GLS: variants seen among roughly 807,000 people sequenced by gnomAD.
GLS encodes glutaminase, also known as glutaminase kidney isoform, mitochondrial.
A neutral mutation model predicts 86.7 loss-of-function variants in GLS; 36 were observed. The observed-to-expected ratio is 0.42, with a 90% CI of 0.32 to 0.55. The LOEUF is 0.55. Ranked by LOEUF, GLS falls within the 20% of genes least tolerant of loss-of-function variation. The pLI is 0.17. For synonymous variants in GLS, 317 were observed against 305.9 expected, an observed-to-expected ratio of 1.04 and a Z score of -0.38; for missense variants, 528 against 833.4, an observed-to-expected ratio of 0.63 and a Z score of 4.51.
At chr2:190,952,751 T>C (rs1318159117) in intron 14 of GLS, among the ~76,000 whole-genome samples, 1 of 152,220 alleles carries the variant, frequency 6.6e-6, no homozygotes, top group Non-Finnish European at 1.5e-5. Context: ...AAATGGGGAA[T>C]TTATGAAGTA....
At chr2:190,892,779 T>G (rs1688607438) in intron 1 of GLS, among the ~76,000 whole-genome samples, 2 of 152,134 alleles carry the variant, frequency 1.3e-5, no homozygotes, top group South Asian at 4.1e-4. Flanking sequence ...TTTTTATCAG[T>G]TTTGACAGCT....
At chr2:190,939,381 TTCTTAATTC>T (rs1690363317) in intron 14 of GLS, among the ~76,000 whole-genome samples, 1 of 151,730 alleles carries the variant, frequency 6.6e-6, no homozygotes, top group South Asian at 2.1e-4. Context: ...TAGTATTGGT[TTCTTAATTC>T]TGAAAATTTA....
chr2:190,934,941 T>G (rs1248729401), intron 14 of GLS: 1 of 969,906 alleles, frequency 1.0e-6, no homozygotes, highest in Non-Finnish European at 1.2e-6. Flanking sequence ...GGACATATTT[T>G]GATTCTTTCA....
intron 1 of GLS, among the ~76,000 whole-genome samples, chr2:190,886,547 T>A (rs1031686866): frequency 2.0e-5 from 3 of 152,164 alleles, no homozygotes; most frequent in African/African-American, 4.8e-5. Flanking sequence ...ACTATTTTAG[T>A]CCAAAGATAA....
intron 9 of GLS, among the ~76,000 whole-genome samples, chr2:190,923,357 C>T (rs557360184): frequency 4.2e-4 from 64 of 152,288 alleles, no homozygotes; most frequent in African/African-American, 1.4e-3. Context: ...TCCCCAGTTA[C>T]ATCAGAATAT....
Position 190,895,274 on chromosome 2 carries a change from A to G in GLS, c.483+26A>G. 1 of 903,604 alleles carries G rather than the reference A, an allele frequency of 1.1e-6. No homozygotes were observed. The highest frequency in any genetic ancestry group is 1.8e-6 in the Non-Finnish European group (1 of 557,260). The allele number at this position is 903,604 out of a possible 1,614,324, so 56.0% of individuals were successfully genotyped here. Reference sequence around the variant, plus strand: ...GTAAGTTTTTATATTTTTCTATCTTAACTTAAAAAAATCAATAATAATAAA... The same window carrying G: ...GTAAGTTTTTATATTTTTCTATCTTGACTTAAAAAAATCAATAATAATAAA... On this transcript the variant is annotated intron_variant, in intron 2 of 17. Coordinates refer to ENST00000320717, the MANE Select transcript of GLS (RefSeq NM_014905.5). The surrounding 1 kb of genome is among the most constrained non-coding windows in gnomAD (Gnocchi z 4.2).
Position 190,954,515 on chromosome 2 carries a change from A to G in GLS, c.1713-69A>G. ...GACAGGGCCTTAAATGAACTGATGGAGTGAATGTTACCAGTGTGAATTAAA... is the reference window on the plus strand; with the variant it reads ...GACAGGGCCTTAAATGAACTGATGGGGTGAATGTTACCAGTGTGAATTAAA... On this transcript the variant is annotated intron_variant, in intron 15 of 17. Transcript: ENST00000320717. The surrounding 1 kb of genome is among the most constrained non-coding windows in gnomAD (Gnocchi z 4.0). The G allele has an allele frequency of 1.0e-6, 1 of 976,710 alleles. No individual in the cohort carries two copies. Among genetic ancestry groups the G allele is most frequent in the Non-Finnish European group, 1.6e-6 (1 of 634,792 alleles). The allele number at this position is 976,710 out of a possible 1,614,324, so 60.5% of individuals were successfully genotyped here.
intron 14 of GLS, among the ~76,000 whole-genome samples, chr2:190,939,521 C>CA (rs939831965): frequency 6.6e-6 from 1 of 151,650 alleles, no homozygotes; most frequent in Non-Finnish European, 1.5e-5. Flanking sequence ...ATCAGTTACA[C>CA]AAATGTAACT....
chr2:190,899,399 A>G (rs1688863568), intron 3 of GLS, among the ~76,000 whole-genome samples: 1 of 152,042 alleles, frequency 6.6e-6, no homozygotes, highest in Non-Finnish European at 1.5e-5. Context: ...TTAAACTGTT[A>G]ATTTTATATT....
rs1443164267 is a variant in GLS at position 190,955,394 on chromosome 2, TTG to T, written c.1853+580_1853+581del. ...ACATGAAGTGTTTGGTTTTCTGTTC[TTG>T]TGTTAGTTTGCTGAGAATGATGGTT... On this transcript the variant is annotated intron_variant, in intron 17 of 17. Coordinates refer to ENST00000320717, the MANE Select transcript of GLS (RefSeq NM_014905.5). This position sits in a 1 kb window ranked among gnomAD's most constrained non-coding sequence, Gnocchi z 5.6. Among the ~76,000 whole-genome samples, 1 of 152,222 alleles carries T rather than the reference TTG, an allele frequency of 6.6e-6. No individual in the cohort carries two copies. Among genetic ancestry groups the T allele is most frequent in the Non-Finnish European group, 1.5e-5 (1 of 68,034 alleles).
chr2:190,903,384 T>G (rs1182486648), intron 5 of GLS, among the ~76,000 whole-genome samples: 5 of 152,198 alleles, frequency 3.3e-5, no homozygotes, highest in Non-Finnish European at 5.9e-5. Context: ...ATTATATGCC[T>G]TTATCCTCAT....
rs778262844 is a variant in GLS, at chr2:190,924,581, C to T, written c.1236C>T (p.Asp412=). The change falls in exon 11 of 18, where the codon GAC becomes GAT. Residue 412 remains aspartate (D), a synonymous_variant. Transcript: ENST00000320717. The surrounding 1 kb of genome is among the most constrained non-coding windows in gnomAD (Gnocchi z 5.2). ...GCACAGACATGGTTGGTATATTAGA[C>T]TTCTACTTCCAGGTAATCTAATTAT... ...PEGTDMVGIL[D]FYFQLCSIEV... is the part of the protein sequence containing the mutation. 7 of 1,533,588 alleles carry T rather than the reference C, an allele frequency of 4.6e-6. No homozygotes were observed. The East Asian group carries it at 1.1e-4, about 25-fold the overall frequency. The allele number at this position is 1,533,588 out of a possible 1,614,324, so 95.0% of individuals were successfully genotyped here.
chr2:190,920,997 G>A lies in GLS; in HGVS notation c.1039-27G>A, dbSNP rs762618520. 7.6e-6 allele frequency: 10 copies of A among 1,317,336 alleles called. No homozygotes were observed. Among genetic ancestry groups the A allele is most frequent in the African/African-American group, 5.8e-5 (4 of 69,082 alleles). The allele number at this position is 1,317,336 out of a possible 1,614,324, so 81.6% of individuals were successfully genotyped here. A position where few individuals can be genotyped will look rare whatever the true frequency, so the allele number is the denominator to read the frequency against. ...TAACTGTAGTGGTACCTATATTAAC[G>A]TATTTATGTCTCTTATTTTTTTGCA... On this transcript the variant is annotated intron_variant, in intron 7 of 17. Transcript: ENST00000320717. The surrounding 1 kb of genome is among the most constrained non-coding windows in gnomAD (Gnocchi z 4.2).
intron 1 of GLS, among the ~76,000 whole-genome samples, chr2:190,884,422 TA>T (rs1169140522): frequency 4.6e-5 from 7 of 152,252 alleles, no homozygotes; most frequent in African/African-American, 1.4e-4. Context: ...TTTAGAGTTT[TA>T]ATTTGAAAAT....
intron 3 of GLS, chr2:190,896,654 GT>G (rs948550870): frequency 2.0e-5 from 3 of 152,192 alleles, no homozygotes; most frequent in African/African-American, 7.2e-5. Flanking sequence ...GTTCTCTGAA[GT>G]TTCCTGGCAT....
At position 190,956,914 on chromosome 2, in the gene GLS, T is replaced by C. The variant is rs571702898; in HGVS notation, c.1853+2096T>C. On this transcript the variant is annotated intron_variant, in intron 17 of 17. Transcript: ENST00000320717. The surrounding 1 kb of genome is among the most constrained non-coding windows in gnomAD (Gnocchi z 4.2). ...GATTTGGCTCTCTCTTTGTCTATTA[T>C]TGGTGTATAGGAATGCCTGTGATTT... is the stretch of plus-strand genomic sequence containing the variant. Among the ~76,000 whole-genome samples the C allele has an allele frequency of 1.3e-5, 2 of 152,168 alleles. No homozygotes were observed. The highest frequency in any genetic ancestry group is 2.9e-5 in the Non-Finnish European group (2 of 68,026).
chr2:190,948,911 C>T (rs895786024), intron 14 of GLS, among the ~76,000 whole-genome samples: 1 of 152,054 alleles, frequency 6.6e-6, no homozygotes, highest in African/African-American at 2.4e-5. Context: ...GTGGAGGTAT[C>T]TAATTGACTC....
intron 12 of GLS, chr2:190,927,720 C>A: frequency 5.2e-6 from 2 of 382,164 alleles, no homozygotes; most frequent in Non-Finnish European, 9.4e-6. Flanking sequence ...TAAGGCAATC[C>A]AGTGTACAAG....
chr2:190,887,157 C>A (rs1333704703), intron 1 of GLS, among the ~76,000 whole-genome samples: 4 of 152,124 alleles, frequency 2.6e-5, no homozygotes, highest in African/African-American at 4.8e-5. Context: ...GGTGAGTAAA[C>A]AGATGTATTT....
Sources: allele counts gnomAD v4.1 joint callset (sites outside exome capture counted in the v4.1 genomes callset), GRCh38; gene constraint gnomAD v4.1.1; non-coding constraint Gnocchi (gnomAD v3.1); transcripts MANE v1.5; gene names NCBI Gene and HGNC (gene_info 2026-07-23, HGNC 2026-07-21).